Variants in SMG7 observed in about 807,000 individuals in gnomAD.
SMG7 encodes the protein SMG7 nonsense mediated mRNA decay factor, also known as nonsense-mediated mRNA decay factor SMG7.
In SMG7, 34 loss-of-function variants were observed where a neutral mutation model predicts 148.2. That is an observed-to-expected ratio of 0.23 (90% CI 0.17 to 0.31). SMG7 has a LOEUF of 0.31. Ranked by LOEUF, SMG7 falls within the 10% of genes least tolerant of loss-of-function variation. The pLI, the probability that SMG7 is intolerant of heterozygous loss-of-function variation, is 1.00. For synonymous variants in SMG7, 492 were observed against 515.1 expected (o/e 0.96, Z 0.61); for missense variants, 1,114 against 1,408.4 (o/e 0.79, Z 3.35).
At chr1:183,535,019 C>T (rs776904183) in intron 10 of SMG7, among the ~76,000 whole-genome samples, 10 of 151,978 alleles carry the variant, frequency 6.6e-5, no homozygotes, top group Non-Finnish European at 1.3e-4. Context: ...TTTAGTAATA[C>T]GGATTTTCAG....
chr1:183,502,529 C>G, intron 1 of SMG7: 1 of 589,464 alleles, frequency 1.7e-6, no homozygotes, highest in Non-Finnish European at 2.7e-6. Flanking sequence ...ATGGGGCATG[C>G]TAAAGTTTTA....
intron 8 of SMG7, among the ~76,000 whole-genome samples, chr1:183,530,486 A>G (rs1666663372): frequency 6.6e-6 from 1 of 152,166 alleles, no homozygotes; most frequent in South Asian, 2.1e-4. Flanking sequence ...AGCCTGTGAC[A>G]TATGATGTAT....
At position 183,552,902 on chromosome 1, in the gene SMG7, T is replaced by A; in HGVS notation, c.*971T>A. 2.7e-6 allele frequency: 4 copies of A among 1,481,240 alleles called. No homozygotes were observed. The highest frequency in any genetic ancestry group is 3.6e-6 in the Non-Finnish European group (4 of 1,117,364). The allele number at this position is 1,481,240 out of a possible 1,614,324, so 91.8% of individuals were successfully genotyped here. On this transcript the variant is annotated 3_prime_UTR_variant, in exon 23 of 23. Coordinates refer to ENST00000688051, the MANE Select transcript of SMG7 (RefSeq NM_001375584.1). ...TTCCCACCCTCCTGCCCCATCTCCA[T>A]CCCTTCTTTTACCCAATGCTGTATG... is the stretch of plus-strand genomic sequence containing the variant.
At chr1:183,534,547 T>C (rs1048427514) in intron 10 of SMG7, among the ~76,000 whole-genome samples, 3 of 152,122 alleles carry the variant, frequency 2.0e-5, no homozygotes, top group African/African-American at 7.2e-5. Context: ...ACTTAGAAAA[T>C]GCCTTTTTTA....
chr1:183,547,524 G>A (rs1670135361), intron 18 of SMG7, among the ~76,000 whole-genome samples: 1 of 152,204 alleles, frequency 6.6e-6, no homozygotes, highest in Non-Finnish European at 1.5e-5. Context: ...CACACACGAT[G>A]TGATGGTGAC....
chr1:183,480,831 A>G (rs140266657), intron 1 of SMG7, among the ~76,000 whole-genome samples: 132 of 152,290 alleles, frequency 8.7e-4, no homozygotes, highest in Middle Eastern at 3.4e-3. Flanking sequence ...TCTTCCTGCA[A>G]GCATCAAGAA....
chr1:183,479,901 C>T (rs777995573), intron 1 of SMG7, among the ~76,000 whole-genome samples: 5 of 152,058 alleles, frequency 3.3e-5, no homozygotes, highest in Non-Finnish European at 7.4e-5. Flanking sequence ...CCATTTCAGG[C>T]GGGAAGAACA....
At chr1:183,507,461 T>C (rs1284341684) in intron 1 of SMG7, among the ~76,000 whole-genome samples, 2 of 152,230 alleles carry the variant, frequency 1.3e-5, no homozygotes, top group Non-Finnish European at 1.5e-5. Flanking sequence ...AGTTATACTC[T>C]GGAGCCATAT....
intron 1 of SMG7, among the ~76,000 whole-genome samples, chr1:183,490,552 T>C (rs1014877582): frequency 5.3e-5 from 8 of 152,210 alleles, no homozygotes; most frequent in African/African-American, 1.4e-4. Context: ...TTAAAAAATT[T>C]GGTAACATTA....
At chr1:183,473,456 C>T (rs1176921216) in intron 1 of SMG7, among the ~76,000 whole-genome samples, 3 of 151,670 alleles carry the variant, frequency 2.0e-5, no homozygotes, top group African/African-American at 2.4e-5. Context: ...GTGGGGGGCG[C>T]GGCGATTGAT....
intron 1 of SMG7, among the ~76,000 whole-genome samples, chr1:183,493,471 A>G (rs1657571872): frequency 6.6e-6 from 1 of 152,178 alleles, no homozygotes; most frequent in Non-Finnish European, 1.5e-5. Flanking sequence ...TGAATGTGCC[A>G]TGTGCACTTA....
At chr1:183,542,991 A>G (rs1357354307) in intron 14 of SMG7, among the ~76,000 whole-genome samples, 1 of 147,762 alleles carries the variant, frequency 6.8e-6, no homozygotes, top group Non-Finnish European at 1.5e-5. Flanking sequence ...TTGGAAAAAT[A>G]TGAGACTTTT....
intron 1 of SMG7, chr1:183,501,099 G>A (rs1659616200): frequency 6.6e-6 from 1 of 152,152 alleles, no homozygotes. Flanking sequence ...CTAATTTATA[G>A]ACTGAGGATA....
At chr1:183,544,858 A>C in intron 15 of SMG7, 72 bp from the exon 16 acceptor site, 2 of 1,499,680 alleles carry the variant, frequency 1.3e-6, no homozygotes. Context: ...CTACCTGTTA[A>C]AAAAAAAATG....
At chr1:183,525,230 G>A (rs1336433555) in intron 4 of SMG7, among the ~76,000 whole-genome samples, 1 of 152,154 alleles carries the variant, frequency 6.6e-6, no homozygotes, top group Non-Finnish European at 1.5e-5. Context: ...AGATGACAGA[G>A]AACTAGAACA....
rs188000744 is a variant in SMG7 at position 183,548,025 on chromosome 1, G to T, written c.2892+773G>T. ...ATTACACCTTAATAAAACATAAAAA[G>T]ATAGTAAATTTTACTTTCTTGCTGT... On this transcript the variant is annotated intron_variant, in intron 18 of 22. Coordinates refer to ENST00000688051, the MANE Select transcript of SMG7 (RefSeq NM_001375584.1). 2.3e-3 allele frequency among the ~76,000 whole-genome samples: 357 copies of T among 152,254 alleles called. 2 individuals carry two copies. Among genetic ancestry groups the T allele is most frequent in the African/African-American group, 8.3e-3 (344 of 41,560 alleles).
rs1665942037 is a variant in SMG7, at chr1:183,526,711, A to G, written c.428A>G (p.Gln143Arg). ...QTHTSAIVKP[Q>R]SSSCSYICQH... ...CATACCAGCGCCATAGTGAAGCCACAGTCTAGCTCCTGTTCCTATATCTGC... is the reference window on the plus strand; with the variant it reads ...CATACCAGCGCCATAGTGAAGCCACGGTCTAGCTCCTGTTCCTATATCTGC... Residue 143 changes from glutamine (Q) to arginine (R), a missense_variant, in exon 5 of 23, where the codon CAG becomes CGG. Transcript: ENST00000688051. 4 of 1,613,856 alleles carry G rather than the reference A, an allele frequency of 2.5e-6. No individual in the cohort carries two copies. Among genetic ancestry groups the G allele is most frequent in the Non-Finnish European group, 3.4e-6 (4 of 1,179,844 alleles).
At chr1:183,491,194 G>A (rs76971012) in intron 1 of SMG7, among the ~76,000 whole-genome samples, 2,148 of 152,310 alleles carry the variant, frequency 0.014, 54 homozygotes, top group African/African-American at 0.048. Context: ...TCTGAAGTGG[G>A]ATGATGTAAT....
At chr1:183,483,271 G>A (rs1008932856) in intron 1 of SMG7, among the ~76,000 whole-genome samples, 34 of 152,052 alleles carry the variant, frequency 2.2e-4, no homozygotes, top group African/African-American at 5.8e-4. Flanking sequence ...TCAGTGCTGT[G>A]TTAGTTGGGA....
Sources: allele counts gnomAD v4.1 joint callset (sites outside exome capture counted in the v4.1 genomes callset), GRCh38; gene constraint gnomAD v4.1.1; transcripts MANE v1.5; gene names NCBI Gene and HGNC (gene_info 2026-07-23, HGNC 2026-07-21).